Variants in PARD3B observed in about 807,000 individuals in gnomAD.
The protein encoded by PARD3B is par-3 family cell polarity regulator beta, also known as partitioning defective 3 homolog B.
Under a neutral mutation model 130.2 loss-of-function variants are expected in PARD3B, and 103 were observed. The observed-to-expected ratio is 0.79, with a 90% CI of 0.67 to 0.93. The LOEUF (loss-of-function observed/expected upper bound fraction) is 0.93, where lower values mean the gene tolerates loss of function less well. PARD3B is among the 40% of genes least tolerant of loss of function. PARD3B has a pLI of 0.00. For missense variants in PARD3B, 1,609 were observed against 1,499.2 expected (o/e 1.07, Z -1.21); for synonymous variants, 583 against 553.2 (o/e 1.05, Z -0.76).
chr2:204,863,768 C>G (rs546136687), intron 2 of PARD3B, among the ~76,000 whole-genome samples: 89 of 152,330 alleles, frequency 5.8e-4, no homozygotes, highest in Non-Finnish European at 1.1e-3. Context: ...GCCTCAAAGA[C>G]AGATCTTTAG....
At chr2:205,490,021 G>C (rs2049631767) in intron 20 of PARD3B, among the ~76,000 whole-genome samples, 1 of 152,136 alleles carries the variant, frequency 6.6e-6, no homozygotes, top group African/African-American at 2.4e-5. Context: ...TGAATCAATG[G>C]ATTACTTTCA....
intron 2 of PARD3B, among the ~76,000 whole-genome samples, chr2:204,794,558 G>T (rs1454602918): frequency 6.6e-6 from 1 of 152,080 alleles, no homozygotes; most frequent in South Asian, 2.1e-4. Flanking sequence ...GCACCCCAGG[G>T]CACTATTATA....
intron 14 of PARD3B, among the ~76,000 whole-genome samples, chr2:205,190,982 A>G (rs978746494): frequency 2.0e-5 from 3 of 151,046 alleles, no homozygotes; most frequent in African/African-American, 7.3e-5. Context: ...CACAATTGGC[A>G]TATTTTGTCA....
rs2044148715 is a variant in PARD3B at position 204,838,655 on chromosome 2, A to G, written c.223-126497A>G. Among the ~76,000 whole-genome samples, 4 of 152,166 alleles carry G rather than the reference A, an allele frequency of 2.6e-5. No individual in the cohort carries two copies. In the South Asian group the frequency reaches 8.3e-4, roughly 32 times the overall value. ...ATAAGACCTAGTGTTTGATAGAATC[A>G]GTAGGGTGACTGCAGTTTACGGAAA... On this transcript the variant is annotated intron_variant, in intron 2 of 22. Transcript: ENST00000406610.
At chr2:204,889,525 T>C (rs1403694295) in intron 2 of PARD3B, among the ~76,000 whole-genome samples, 1 of 151,904 alleles carries the variant, frequency 6.6e-6, no homozygotes, top group Non-Finnish European at 1.5e-5. Context: ...AAGTAGGGGG[T>C]CCTCTTTGTG....
chr2:205,349,800 C>CTT (rs11417800), intron 18 of PARD3B, among the ~76,000 whole-genome samples: 54,777 of 103,700 alleles, frequency 0.53, 16,952 homozygotes, highest in South Asian at 0.69. Flanking sequence ...TTCTTTTTCT[C>CTT]TTTTTTTTTT....
intron 2 of PARD3B, among the ~76,000 whole-genome samples, chr2:204,698,122 C>T (rs375491566): frequency 6.6e-5 from 10 of 152,188 alleles, no homozygotes; most frequent in African/African-American, 2.2e-4. Flanking sequence ...TCCAATTACA[C>T]GGGCCATGTA....
At chr2:204,580,479 A>G (rs1487931702) in intron 1 of PARD3B, among the ~76,000 whole-genome samples, 1 of 152,144 alleles carries the variant, frequency 6.6e-6, no homozygotes, top group Non-Finnish European at 1.5e-5. Context: ...TTTTTCTGTC[A>G]TCTGACCCTA....
At chr2:205,256,555 G>A (rs2040095718) in intron 16 of PARD3B, among the ~76,000 whole-genome samples, 1 of 152,000 alleles carries the variant, frequency 6.6e-6, no homozygotes, top group Admixed American at 6.6e-5. Flanking sequence ...GGGGTCAAAG[G>A]GACCTTCTGC....
chr2:204,779,335 G>A (rs981600054), intron 2 of PARD3B, among the ~76,000 whole-genome samples: 5 of 152,110 alleles, frequency 3.3e-5, no homozygotes, highest in East Asian at 1.9e-4. Context: ...ATAGCAGCTG[G>A]TTGATAAATT....
chr2:204,901,878 G>A (rs1559242341), intron 2 of PARD3B, among the ~76,000 whole-genome samples: 1 of 152,122 alleles, frequency 6.6e-6, no homozygotes, highest in Non-Finnish European at 1.5e-5. Flanking sequence ...CTCAGGGTGT[G>A]CCTGGAAATG....
chr2:205,315,496 C>T (rs2042534840), intron 18 of PARD3B, among the ~76,000 whole-genome samples: 1 of 152,098 alleles, frequency 6.6e-6, no homozygotes, highest in Non-Finnish European at 1.5e-5. Flanking sequence ...GTTATAGATT[C>T]CTGGGTTTCA....
intron 3 of PARD3B, among the ~76,000 whole-genome samples, chr2:205,037,775 T>A (rs535100122): frequency 6.6e-6 from 1 of 150,874 alleles, no homozygotes; most frequent in South Asian, 2.1e-4. Context: ...GGAGGAAGAG[T>A]AGTATGGATG....
At chr2:204,892,476 A>T (rs1240450098) in intron 2 of PARD3B, among the ~76,000 whole-genome samples, 1 of 152,194 alleles carries the variant, frequency 6.6e-6, no homozygotes, top group Non-Finnish European at 1.5e-5. Flanking sequence ...GTGGCTGTTG[A>T]ATACTTGTGA....
At chr2:204,710,238 A>C (rs1157225556) in intron 2 of PARD3B, among the ~76,000 whole-genome samples, 1 of 152,210 alleles carries the variant, frequency 6.6e-6, no homozygotes, top group African/African-American at 2.4e-5. Flanking sequence ...AAGCTCTTGC[A>C]GGTCAAGCCT....
intron 1 of PARD3B, among the ~76,000 whole-genome samples, chr2:204,674,961 A>G (rs544524192): frequency 1.4e-4 from 21 of 152,322 alleles, no homozygotes; most frequent in African/African-American, 4.8e-4. Flanking sequence ...TTGTAGCAGA[A>G]TGTTTTTTAG....
At chr2:204,635,720 A>G (rs1432695921) in intron 1 of PARD3B, among the ~76,000 whole-genome samples, 1 of 152,158 alleles carries the variant, frequency 6.6e-6, no homozygotes, top group African/African-American at 2.4e-5. Flanking sequence ...CTGCCAACTA[A>G]TGAGTCACTT....
chr2:204,884,931 A>G (rs948004459), intron 2 of PARD3B, among the ~76,000 whole-genome samples: 3 of 152,170 alleles, frequency 2.0e-5, no homozygotes, highest in African/African-American at 4.8e-5. Flanking sequence ...TGGTGCTGCA[A>G]TAAGCATACA....
Position 205,135,251 on chromosome 2 carries a change from C to T in PARD3B, c.1434+9514C>T, listed in dbSNP as rs116944064. On this transcript the variant is annotated intron_variant, in intron 10 of 22. Transcript: ENST00000406610. ...AGCAAGCTGGATAAGAAGTTGGTTA[C>T]AAAACTTAGGGGACAACCTTGATTT... 6.5e-4 allele frequency among the ~76,000 whole-genome samples: 99 copies of T among 152,248 alleles called. No individual in the cohort carries two copies. The East Asian group carries it at 0.019, about 29-fold the overall frequency.
Sources: allele counts gnomAD v4.1 joint callset (sites outside exome capture counted in the v4.1 genomes callset), GRCh38; gene constraint gnomAD v4.1.1; transcripts MANE v1.5; gene names NCBI Gene and HGNC (gene_info 2026-07-23, HGNC 2026-07-21).